Variants in SUCLG2 observed in about 807,000 individuals in gnomAD.
SUCLG2 encodes succinate--CoA ligase [GDP-forming] subunit beta, mitochondrial.
Under a neutral mutation model 47.9 loss-of-function variants are expected in SUCLG2, and 42 were observed. The observed-to-expected ratio is 0.88, with a 90% CI of 0.69 to 1.14. SUCLG2 has a LOEUF of 1.14. Among genes scored for constraint, SUCLG2 ranks in the 50% most tolerant of loss-of-function variants. SUCLG2 has a pLI of 0.00. For missense variants in SUCLG2, 571 were observed against 525.9 expected, an observed-to-expected ratio of 1.09 and a Z score of -0.84; for synonymous variants, 195 against 197.3, an observed-to-expected ratio of 0.99 and a Z score of 0.10.
At chr3:67,616,450 T>G (rs1225688050) in intron 1 of SUCLG2, among the ~76,000 whole-genome samples, 5 of 152,196 alleles carry the variant, frequency 3.3e-5, no homozygotes, top group African/African-American at 7.2e-5. Context: ...CATGCATAAG[T>G]AAATGTATAG....
intron 2 of SUCLG2, among the ~76,000 whole-genome samples, chr3:67,543,793 T>C (rs1706784952): frequency 6.6e-6 from 1 of 152,004 alleles, no homozygotes. Flanking sequence ...CAATTATGTG[T>C]CAGAAAAATA....
At chr3:67,417,573 C>T (rs9878672) in intron 9 of SUCLG2, among the ~76,000 whole-genome samples, 28 of 152,132 alleles carry the variant, frequency 1.8e-4, no homozygotes, top group African/African-American at 5.6e-4. Context: ...AACTAAAAAT[C>T]GGAGTGGAAA....
chr3:67,557,349 C>G (rs9875176), intron 2 of SUCLG2, among the ~76,000 whole-genome samples: 2,169 of 152,172 alleles, frequency 0.014, 53 homozygotes, highest in African/African-American at 0.05. Flanking sequence ...CCTTTTTGCT[C>G]CTTTTCATAT....
intron 9 of SUCLG2, among the ~76,000 whole-genome samples, chr3:67,410,951 T>C (rs1310698965): frequency 6.6e-6 from 1 of 152,230 alleles, no homozygotes; most frequent in Non-Finnish European, 1.5e-5. Flanking sequence ...GGCACATTCT[T>C]TCTGAGCCAT....
At chr3:67,362,073 C>T (rs1401716405) in intron 10 of SUCLG2, among the ~76,000 whole-genome samples, 1 of 152,204 alleles carries the variant, frequency 6.6e-6, no homozygotes, top group African/African-American at 2.4e-5. Flanking sequence ...GACTCCCAGA[C>T]TCATAAGCAA....
intron 10 of SUCLG2, chr3:67,360,795 T>C (rs966627413): frequency 2.0e-6 from 3 of 1,494,266 alleles, no homozygotes; most frequent in Admixed American, 2.2e-5. Context: ...ATTCTTGTAA[T>C]GAGTTTTTTC....
intron 10 of SUCLG2, among the ~76,000 whole-genome samples, chr3:67,386,702 T>C (rs1445386469): frequency 6.6e-6 from 1 of 152,196 alleles, no homozygotes; most frequent in Non-Finnish European, 1.5e-5. Context: ...ACCACCATGA[T>C]TCAATTATCT....
intron 2 of SUCLG2, among the ~76,000 whole-genome samples, chr3:67,581,714 G>A (rs764909767): frequency 2.6e-5 from 4 of 152,166 alleles, no homozygotes; most frequent in African/African-American, 4.8e-5. Flanking sequence ...CGCCTAACTC[G>A]AGTATGGAAA....
chr3:67,580,470 A>G lies in SUCLG2; in HGVS notation c.226+28985T>C, dbSNP rs181521408. ...ATTAAATTGAGGAAAAGAGTGCTAA[A>G]AAGATAAATATAATGAAAGATACAT... On this transcript the variant is annotated intron_variant, in intron 2 of 10. Coordinates refer to ENST00000307227, the MANE Select transcript of SUCLG2 (RefSeq NM_003848.4). Among the ~76,000 whole-genome samples the G allele has an allele frequency of 1.1e-4, 17 of 152,316 alleles. 1 individual carries two copies. The East Asian group carries it at 3.1e-3, about 28-fold the overall frequency.
At chr3:67,589,600 T>C (rs1010089518) in intron 2 of SUCLG2, among the ~76,000 whole-genome samples, 4 of 152,218 alleles carry the variant, frequency 2.6e-5, no homozygotes, top group South Asian at 2.1e-4. Context: ...TCCCCTGCCA[T>C]GCACATTCCC....
chr3:67,549,109 A>C (rs1706943455), intron 2 of SUCLG2, among the ~76,000 whole-genome samples: 1 of 152,226 alleles, frequency 6.6e-6, no homozygotes, highest in Admixed American at 6.5e-5. Context: ...ATTATCAAAA[A>C]TAGCTGCATC....
chr3:67,432,427 C>T (rs969801597), intron 9 of SUCLG2, among the ~76,000 whole-genome samples: 1 of 152,206 alleles, frequency 6.6e-6, no homozygotes, highest in Non-Finnish European at 1.5e-5. Flanking sequence ...GTCACATGCA[C>T]TGGTGAAACC....
At chr3:67,478,277 G>A (rs1356402115) in intron 9 of SUCLG2, among the ~76,000 whole-genome samples, 1 of 152,222 alleles carries the variant, frequency 6.6e-6, no homozygotes. Context: ...ACACTGCTGA[G>A]CACTTCACGT....
intron 10 of SUCLG2, among the ~76,000 whole-genome samples, chr3:67,380,031 C>T (rs1309930203): frequency 6.6e-6 from 1 of 152,148 alleles, no homozygotes; most frequent in Non-Finnish European, 1.5e-5. Context: ...CAGATGGATT[C>T]CCACATACAA....
chr3:67,599,589 G>A (rs1048961654), intron 2 of SUCLG2, among the ~76,000 whole-genome samples: 1 of 151,948 alleles, frequency 6.6e-6, no homozygotes, highest in Non-Finnish European at 1.5e-5. Context: ...GAAGATTCTG[G>A]GAACAATTTG....
At chr3:67,595,209 T>C (rs1708266854) in intron 2 of SUCLG2, among the ~76,000 whole-genome samples, 1 of 152,194 alleles carries the variant, frequency 6.6e-6, no homozygotes, top group African/African-American at 2.4e-5. Flanking sequence ...AAAGACCCCT[T>C]TAAACTCCAA....
At chr3:67,504,658 T>C (rs1217505547) in intron 7 of SUCLG2, among the ~76,000 whole-genome samples, 2 of 152,114 alleles carry the variant, frequency 1.3e-5, no homozygotes, top group South Asian at 4.1e-4. Context: ...GCCAGTAGCA[T>C]AGCCTCCAAG....
chr3:67,622,411 G>A (rs1353412528), intron 1 of SUCLG2, among the ~76,000 whole-genome samples: 1 of 152,178 alleles, frequency 6.6e-6, no homozygotes, highest in Non-Finnish European at 1.5e-5. Context: ...AGGGTCAGAA[G>A]GGATCATGGA....
At position 67,411,848 on chromosome 3, in the gene SUCLG2, T is replaced by C. The variant is rs183459651; in HGVS notation, c.1063-10997A>G. ...CATCTCAAACTTAAATTCAGGTAAA[T>C]TAAGAGGAAAACCAAATAAACAATA... is the stretch of plus-strand genomic sequence containing the variant. On this transcript the variant is annotated intron_variant, in intron 9 of 10. Coordinates refer to ENST00000307227, the MANE Select transcript of SUCLG2 (RefSeq NM_003848.4). 1.1e-4 allele frequency among the ~76,000 whole-genome samples: 17 copies of C among 152,200 alleles called. No homozygotes were observed. The East Asian group carries it at 3.1e-3, about 28-fold the overall frequency.
Sources: allele counts gnomAD v4.1 joint callset (sites outside exome capture counted in the v4.1 genomes callset), GRCh38; gene constraint gnomAD v4.1.1; transcripts MANE v1.5; gene names NCBI Gene and HGNC (gene_info 2026-07-23, HGNC 2026-07-21).